The following PCSK2 variants were observed in gnomAD, a reference collection of about 807,000 sequenced individuals.
PCSK2 encodes proprotein convertase subtilisin/kexin type 2.
PCSK2 carries 14 observed loss-of-function variants against 69.7 expected under a neutral mutation model. The ratio of observed to expected loss-of-function variants is 0.20; its 90% confidence interval spans 0.13 to 0.31. The LOEUF is 0.31. Among genes scored for constraint, PCSK2 ranks in the 10% least tolerant of loss-of-function variants. The pLI, the probability that PCSK2 is intolerant of heterozygous loss-of-function variation, is 1.00. For synonymous variants in PCSK2, 307 were observed against 320.7 expected, an observed-to-expected ratio of 0.96 and a Z score of 0.46; for missense variants, 544 against 842.5, an observed-to-expected ratio of 0.65 and a Z score of 4.39.
chr20:17,352,396 T>C (rs2030021094), intron 2 of PCSK2, among the ~76,000 whole-genome samples: 1 of 152,150 alleles, frequency 6.6e-6, no homozygotes, highest in African/African-American at 2.4e-5. Context: ...GCCAAAGCAA[T>C]CCTAAGCAAA....
At chr20:17,371,434 G>C (rs1188013432) in intron 5 of PCSK2, among the ~76,000 whole-genome samples, 1 of 152,202 alleles carries the variant, frequency 6.6e-6, no homozygotes, top group South Asian at 2.1e-4. Flanking sequence ...AGCCGTGCCA[G>C]CTCCTCTGAG....
At chr20:17,473,816 T>C (rs1241612659) in intron 11 of PCSK2, among the ~76,000 whole-genome samples, 7 of 152,222 alleles carry the variant, frequency 4.6e-5, no homozygotes, top group Non-Finnish European at 1.0e-4. Flanking sequence ...CAGCATGCTT[T>C]TAATTTAATT....
At chr20:17,392,688 T>C (rs754742781) in intron 5 of PCSK2, among the ~76,000 whole-genome samples, 1 of 152,208 alleles carries the variant, frequency 6.6e-6, no homozygotes, top group Admixed American at 6.5e-5. Context: ...TCATACAGTA[T>C]ACAGCCTTTG....
At chr20:17,335,463 T>TGTGTGTGTGTGTGTG (rs1555789127) in intron 2 of PCSK2, among the ~76,000 whole-genome samples, 1 of 19,664 alleles carries the variant, frequency 5.1e-5, no homozygotes, top group African/African-American at 1.2e-4. Flanking sequence ...GTGTGTGTGT[T>TGTGTGTGTGTGTGTG]CCTTGTCTAG....
chr20:17,301,072 G>A lies in PCSK2; in HGVS notation c.282+40728G>A, dbSNP rs532022003. 1.8e-4 allele frequency among the ~76,000 whole-genome samples: 28 copies of A among 152,280 alleles called. No homozygotes were observed. The East Asian group carries it at 1.9e-3, about 10-fold the overall frequency. On this transcript the variant is annotated intron_variant, in intron 2 of 11. Transcript: ENST00000262545. Reference sequence around the variant, plus strand: ...GCCTGCACTTCAAGAGTGGGGTGTCGTTGTTAAAAAGCCTTCTAAAATCAA... The same window carrying A: ...GCCTGCACTTCAAGAGTGGGGTGTCATTGTTAAAAAGCCTTCTAAAATCAA...
chr20:17,254,571 C>G (rs1334172487), intron 1 of PCSK2, among the ~76,000 whole-genome samples: 5 of 152,104 alleles, frequency 3.3e-5, no homozygotes, highest in Non-Finnish European at 7.4e-5. Flanking sequence ...TATGTCTCTC[C>G]TATGCCAGTA....
rs566508764 is a variant in PCSK2 at position 17,294,638 on chromosome 20, C to G, written c.282+34294C>G. Among the ~76,000 whole-genome samples, 9 of 152,260 alleles carry G rather than the reference C, an allele frequency of 5.9e-5. No homozygotes were observed. The South Asian group carries it at 1.9e-3, about 32-fold the overall frequency. ...GTATTTCCACTGGAAAGTCTAGTAC[C>G]TGGGAAGCTCCATTTGATCCTCCTT... On this transcript the variant is annotated intron_variant, in intron 2 of 11. Coordinates refer to ENST00000262545, the MANE Select transcript of PCSK2 (RefSeq NM_002594.5).
At chr20:17,271,751 A>G (rs1987875943) in intron 2 of PCSK2, among the ~76,000 whole-genome samples, 1 of 152,158 alleles carries the variant, frequency 6.6e-6, no homozygotes, top group Non-Finnish European at 1.5e-5. Context: ...AGCAACTACC[A>G]ATCTTTGTAA....
intron 2 of PCSK2, among the ~76,000 whole-genome samples, chr20:17,299,273 T>C (rs1258394257): frequency 6.6e-6 from 1 of 152,192 alleles, no homozygotes; most frequent in Non-Finnish European, 1.5e-5. Flanking sequence ...TTTGGTTTAT[T>C]AAATAATTCA....
intron 2 of PCSK2, among the ~76,000 whole-genome samples, chr20:17,287,426 C>CGTGTGTGTGTGTGT (rs1376381667): frequency 9.8e-6 from 1 of 102,188 alleles, no homozygotes; most frequent in African/African-American, 3.8e-5. Flanking sequence ...CCAGCATGTG[C>CGTGTGTGTGTGTGT]GTGTCTGTGT....
intron 2 of PCSK2, among the ~76,000 whole-genome samples, chr20:17,323,999 A>T (rs942351305): frequency 3.3e-5 from 5 of 152,168 alleles, no homozygotes; most frequent in Non-Finnish European, 7.3e-5. Context: ...TCAACCAATG[A>T]TTGATGGGAG....
At chr20:17,382,870 A>T (rs2031126435) in intron 5 of PCSK2, among the ~76,000 whole-genome samples, 1 of 152,096 alleles carries the variant, frequency 6.6e-6, no homozygotes, top group Admixed American at 6.6e-5. Flanking sequence ...ACAATCCAGG[A>T]TTCTCCCTAA....
chr20:17,449,843 T>C (rs1395724160), intron 8 of PCSK2, among the ~76,000 whole-genome samples: 1 of 151,746 alleles, frequency 6.6e-6, no homozygotes, highest in South Asian at 2.1e-4. Context: ...TATATTAACA[T>C]AGGGAAAATT....
intron 5 of PCSK2, among the ~76,000 whole-genome samples, chr20:17,407,859 C>A (rs779766821): frequency 2.6e-5 from 4 of 152,126 alleles, no homozygotes; most frequent in Non-Finnish European, 4.4e-5. Flanking sequence ...AGACTCCAGG[C>A]AAATTACTGG....
chr20:17,283,015 G>A (rs1988377514), intron 2 of PCSK2, among the ~76,000 whole-genome samples: 1 of 152,126 alleles, frequency 6.6e-6, no homozygotes, highest in Non-Finnish European at 1.5e-5. Context: ...TAAGAGTGGT[G>A]GCTTAGACTC....
intron 2 of PCSK2, among the ~76,000 whole-genome samples, chr20:17,336,550 C>A (rs2123163029): frequency 6.6e-6 from 1 of 152,284 alleles, no homozygotes; most frequent in East Asian, 1.9e-4. Flanking sequence ...AAACATCAGG[C>A]AAACGGCAGT....
chr20:17,387,729 T>G (rs1469213571), intron 5 of PCSK2, among the ~76,000 whole-genome samples: 1 of 152,164 alleles, frequency 6.6e-6, no homozygotes, highest in Admixed American at 6.5e-5. Context: ...TACAAGGTCA[T>G]GAATATCAGG....
intron 1 of PCSK2, among the ~76,000 whole-genome samples, chr20:17,248,516 AAGACAGTGGATCTTGGGTC>A (rs1452322357): frequency 6.6e-6 from 1 of 152,146 alleles, no homozygotes; most frequent in Admixed American, 6.5e-5. Context: ...AGATGCTCAG[AAGACAGTGGATCTTGGGTC>A]TGCACTCCAA....
chr20:17,378,868 T>C (rs2031009406), intron 5 of PCSK2, among the ~76,000 whole-genome samples: 1 of 152,232 alleles, frequency 6.6e-6, no homozygotes, highest in South Asian at 2.1e-4. Flanking sequence ...GAAAGATTAC[T>C]ATTCTCAACT....
Sources: allele counts gnomAD v4.1 joint callset (sites outside exome capture counted in the v4.1 genomes callset), GRCh38; gene constraint gnomAD v4.1.1; transcripts MANE v1.5; gene names NCBI Gene and HGNC (gene_info 2026-07-23, HGNC 2026-07-21).